The following PRMT8 variants were observed in gnomAD, a reference collection of about 807,000 sequenced individuals.
PRMT8 encodes the protein protein arginine methyltransferase 8, also known as protein arginine N-methyltransferase 8.
A neutral mutation model predicts 47.1 loss-of-function variants in PRMT8; 7 were observed. That is an observed-to-expected ratio of 0.15 (90% confidence interval 0.08 to 0.28). PRMT8 has a LOEUF of 0.28. Among genes scored for constraint, PRMT8 ranks in the 10% least tolerant of loss-of-function variants. The pLI, the probability that PRMT8 is intolerant of heterozygous loss-of-function variation, is 1.00. For synonymous variants in PRMT8, 188 were observed against 186.5 expected (o/e 1.01, Z -0.07); for missense variants, 237 against 505.4 (o/e 0.47, Z 5.09).
intron 2 of PRMT8, among the ~76,000 whole-genome samples, chr12:3,544,410 G>T (rs1270714435): frequency 6.6e-6 from 1 of 152,206 alleles, no homozygotes; most frequent in Non-Finnish European, 1.5e-5. Context: ...GGTGACCACT[G>T]GGGGGTCTCC....
intron 4 of PRMT8, among the ~76,000 whole-genome samples, chr12:3,567,179 C>T (rs919282934): frequency 1.3e-5 from 2 of 152,230 alleles, no homozygotes; most frequent in African/African-American, 4.8e-5. Context: ...TTCTGTTGAG[C>T]TTTAGCTATG....
intron 1 of PRMT8, among the ~76,000 whole-genome samples, chr12:3,445,010 A>G (rs1413554659): frequency 1.3e-5 from 2 of 152,250 alleles, no homozygotes; most frequent in Admixed American, 6.5e-5. Context: ...GCTTTGTGCC[A>G]GAGAAAGGAA....
intron 1 of PRMT8, among the ~76,000 whole-genome samples, chr12:3,402,185 A>G (rs919554379): frequency 1.3e-5 from 2 of 152,194 alleles, no homozygotes; most frequent in Non-Finnish European, 2.9e-5. Flanking sequence ...CACTCCTACA[A>G]CTATTTGATC....
chr12:3,482,873 G>A (rs558274032), intron 1 of PRMT8, among the ~76,000 whole-genome samples: 14 of 152,232 alleles, frequency 9.2e-5, no homozygotes, highest in Admixed American at 5.2e-4. Flanking sequence ...CATCTCTCTC[G>A]GCAAATGGGA....
chr12:3,514,452 A>T lies in PRMT8; in HGVS notation c.75+22752A>T, dbSNP rs573217013. Among the ~76,000 whole-genome samples the T allele has an allele frequency of 6.6e-6, 1 of 152,258 alleles. No individual in the cohort carries two copies. Among genetic ancestry groups the T allele is most frequent in the South Asian group, 2.1e-4 (1 of 4,832 alleles). On this transcript the variant is annotated intron_variant, in intron 1 of 9. Transcript: ENST00000382622. The surrounding 1 kb of genome is among the most constrained non-coding windows in gnomAD (Gnocchi z 5.9). ...AGGGGTTGCTCACCCAGGCCTGCAG[A>T]GCCTCTCCAAATCCATCCGTACTTC...
At chr12:3,568,001 G>A (rs1359973473) in intron 4 of PRMT8, among the ~76,000 whole-genome samples, 1 of 152,014 alleles carries the variant, frequency 6.6e-6, no homozygotes, top group Non-Finnish European at 1.5e-5. Flanking sequence ...GAACCTGGGA[G>A]GCGGAGGTTG....
intron 1 of PRMT8, among the ~76,000 whole-genome samples, chr12:3,411,892 G>A (rs12581889): frequency 9.9e-5 from 15 of 152,144 alleles, no homozygotes; most frequent in African/African-American, 1.9e-4. Flanking sequence ...TGAATGACCC[G>A]GTCTCAGCTA....
chr12:3,405,604 C>T (rs923199108), intron 1 of PRMT8, among the ~76,000 whole-genome samples: 1 of 152,184 alleles, frequency 6.6e-6, no homozygotes, highest in South Asian at 2.1e-4. Context: ...GGTAAATTCA[C>T]CTGTTCCAAA....
chr12:3,531,661 C>A (rs1370749253), intron 1 of PRMT8, among the ~76,000 whole-genome samples: 1 of 152,160 alleles, frequency 6.6e-6, no homozygotes, highest in African/African-American at 2.4e-5. Context: ...GCACAGCATG[C>A]AGCTGCTGAG....
chr12:3,423,433 T>C (rs1169926077), intron 1 of PRMT8, among the ~76,000 whole-genome samples: 3 of 152,224 alleles, frequency 2.0e-5, no homozygotes, highest in Admixed American at 2.0e-4. Context: ...CCATGAGCCA[T>C]CTTGTGCTCA....
intron 7 of PRMT8, among the ~76,000 whole-genome samples, chr12:3,581,690 C>A (rs1311342293): frequency 2.0e-5 from 3 of 152,148 alleles, no homozygotes; most frequent in African/African-American, 7.2e-5. Context: ...CAAGGGCCTC[C>A]CACATTCCCC....
At chr12:3,548,018 G>A (rs1036323200) in intron 2 of PRMT8, among the ~76,000 whole-genome samples, 18 of 152,222 alleles carry the variant, frequency 1.2e-4, no homozygotes, top group Admixed American at 9.8e-4. Context: ...ATATAAAGGT[G>A]CAGCAGTCAA....
In PRMT8 at chr12:3,417,511, G is replaced by A. The variant is rs533694474; in HGVS notation, c.48+36069G>A. 3.8e-4 allele frequency among the ~76,000 whole-genome samples: 58 copies of A among 152,246 alleles called. 2 individuals carry two copies. The highest frequency in any genetic ancestry group is 2.9e-5 in the Non-Finnish European group (2 of 68,040). On this transcript the variant is annotated intron_variant, in intron 1 of 9. Transcript: ENST00000452611. ...AAGTAGCTTTTAAAAGGCATCCAAA[G>A]CATCTCATGTTGGTGATATAAATGT...
Position 3,409,035 on chromosome 12 carries a change from T to C in PRMT8, c.48+27593T>C, listed in dbSNP as rs1211072592. ...CACGAGTGGCTGCAGTGGTGCTGGGTTCTGGGGTGCAGGTGCTCAGAGTGG... is the reference window on the plus strand; with the variant it reads ...CACGAGTGGCTGCAGTGGTGCTGGGCTCTGGGGTGCAGGTGCTCAGAGTGG... On this transcript the variant is annotated intron_variant, in intron 1 of 9. Coordinates refer to the PRMT8 transcript ENST00000452611. The surrounding 1 kb of genome is among the most constrained non-coding windows in gnomAD (Gnocchi z 4.4). Among the ~76,000 whole-genome samples, 1 of 152,110 alleles carries C rather than the reference T, an allele frequency of 6.6e-6. No homozygotes were observed. Among genetic ancestry groups the C allele is most frequent in the Non-Finnish European group, 1.5e-5 (1 of 68,018 alleles).
rs183390209 is a variant in PRMT8, at chr12:3,398,585, G to A, written c.48+17143G>A. The stretch of plus-strand genomic sequence containing the variant: ...CAGGTGCATTCCAGTAGGAGCCTGC[G>A]TCCAGCTCAGGAGTGGTGATGACTT... On this transcript the variant is annotated intron_variant, in intron 1 of 9. Transcript: ENST00000452611. 2.9e-4 allele frequency among the ~76,000 whole-genome samples: 44 copies of A among 152,318 alleles called. No individual in the cohort carries two copies. In the East Asian group the frequency reaches 6.2e-3, roughly 21 times the overall value.
In PRMT8 at chr12:3,580,998, G is replaced by A. The variant is rs551139915; in HGVS notation, c.829-2060G>A. 1.7e-4 allele frequency among the ~76,000 whole-genome samples: 26 copies of A among 152,264 alleles called. No individual in the cohort carries two copies. The highest frequency in any genetic ancestry group is 3.4e-3 in the Middle Eastern group (1 of 294). ...TTCCTAGATTTGAGCAATGGCCCAC[G>A]CTAACAGATGACATGTAATGAAGGA... is the stretch of plus-strand genomic sequence containing the variant. On this transcript the variant is annotated intron_variant, in intron 7 of 9. Coordinates refer to ENST00000382622, the MANE Select transcript of PRMT8 (RefSeq NM_019854.5). The surrounding 1 kb of genome is among the most constrained non-coding windows in gnomAD (Gnocchi z 4.6).
At chr12:3,521,076 A>C (rs1482654666) in intron 1 of PRMT8, among the ~76,000 whole-genome samples, 1 of 152,254 alleles carries the variant, frequency 6.6e-6, no homozygotes, top group Non-Finnish European at 1.5e-5. Flanking sequence ...AGATATCCCA[A>C]GGTGGTATTA....
intron 4 of PRMT8, among the ~76,000 whole-genome samples, chr12:3,567,242 A>T (rs1019198589): frequency 1.3e-5 from 2 of 152,174 alleles, no homozygotes; most frequent in African/African-American, 2.4e-5. Flanking sequence ...TCACCCTCTA[A>T]ATTGATATTG....
rs373724901 is a variant in PRMT8, at chr12:3,577,003, G to A, written c.828+17G>A. The stretch of plus-strand genomic sequence containing the variant: ...TTGATAAAGGTCTGGACACTCATCC[G>A]GGGTGGACCTGGGTGTGCTGGGAGC... On this transcript the variant is annotated intron_variant, in intron 7 of 9. Transcript: ENST00000382622. 8.1e-6 allele frequency: 13 copies of A among 1,605,920 alleles called. No individual in the cohort carries two copies. The highest frequency in any genetic ancestry group is 2.2e-5 in the East Asian group (1 of 44,812).
Sources: allele counts gnomAD v4.1 joint callset (sites outside exome capture counted in the v4.1 genomes callset), GRCh38; gene constraint gnomAD v4.1.1; non-coding constraint Gnocchi (gnomAD v3.1); transcripts MANE v1.5; gene names NCBI Gene and HGNC (gene_info 2026-07-23, HGNC 2026-07-21).